Variants in FRY observed in about 807,000 individuals in gnomAD.
The protein encoded by FRY is FRY microtubule binding protein, also known as protein furry homolog.
In FRY, 128 loss-of-function variants were observed where a neutral mutation model predicts 348.4. The observed-to-expected ratio is 0.37, with a 90% CI of 0.32 to 0.43. The LOEUF is 0.43. Ranked by LOEUF, FRY falls within the 20% of genes least tolerant of loss-of-function variation. FRY has a pLI of 1.00. For synonymous variants in FRY, 1,370 were observed against 1,374.7 expected, an observed-to-expected ratio of 1.00 and a Z score of 0.08; for missense variants, 2,736 against 3,695.2, an observed-to-expected ratio of 0.74 and a Z score of 6.73.
intron 58 of FRY, among the ~76,000 whole-genome samples, chr13:32,278,969 C>G (rs756326957): frequency 2.6e-5 from 4 of 152,218 alleles, no homozygotes; most frequent in Admixed American, 2.6e-4. Flanking sequence ...CACCTCAGTC[C>G]AGTGTGCCGT....
intron 29 of FRY, among the ~76,000 whole-genome samples, chr13:32,197,693 G>A (rs1883758522): frequency 6.6e-6 from 1 of 152,214 alleles, no homozygotes; most frequent in Non-Finnish European, 1.5e-5. Flanking sequence ...AATAGTTGTT[G>A]GAGGAGAACA....
chr13:32,112,754 A>G (rs934795257), intron 3 of FRY, among the ~76,000 whole-genome samples: 2 of 152,244 alleles, frequency 1.3e-5, no homozygotes, highest in African/African-American at 4.8e-5. Context: ...TTAAAATACT[A>G]TCTGTAAACA....
intron 3 of FRY, among the ~76,000 whole-genome samples, chr13:32,105,447 CA>C (rs1200150056): frequency 5.3e-5 from 8 of 152,204 alleles, no homozygotes; most frequent in African/African-American, 1.9e-4. Flanking sequence ...AGCACTAAAA[CA>C]GTGCTCATCT....
intron 39 of FRY, 63 bp downstream of exon 39, chr13:32,226,037 G>A: frequency 1.4e-6 from 2 of 1,436,642 alleles, no homozygotes; most frequent in Non-Finnish European, 2.0e-6. Context: ...ACTAACTGCG[G>A]GTGCCAGTGG....
intron 31 of FRY, among the ~76,000 whole-genome samples, chr13:32,208,418 G>C (rs1409291206): frequency 6.6e-6 from 1 of 152,182 alleles, no homozygotes; most frequent in Non-Finnish European, 1.5e-5. Flanking sequence ...GCCTGATGTG[G>C]GGCCCTATCA....
intron 31 of FRY, 101 bp from the exon 32 acceptor site, chr13:32,208,752 A>T: frequency 1.4e-6 from 2 of 1,400,090 alleles, no homozygotes; most frequent in South Asian, 2.3e-5. Context: ...AATGTTTTGT[A>T]AACGTAGGAC....
At chr13:32,214,014 A>G (rs1420531004) in intron 35 of FRY, among the ~76,000 whole-genome samples, 1 of 152,244 alleles carries the variant, frequency 6.6e-6, no homozygotes, top group East Asian at 1.9e-4. Flanking sequence ...AGATTCTTTT[A>G]TACTGATATT....
chr13:32,048,237 G>A (rs1477716620), intron 1 of FRY, among the ~76,000 whole-genome samples: 1 of 152,164 alleles, frequency 6.6e-6, no homozygotes, highest in Non-Finnish European at 1.5e-5. Context: ...GCCCCTCAGT[G>A]GATGAGCACC....
intron 49 of FRY, among the ~76,000 whole-genome samples, chr13:32,250,622 G>A (rs1289688960): frequency 6.6e-6 from 1 of 152,218 alleles, no homozygotes; most frequent in Non-Finnish European, 1.5e-5. Flanking sequence ...ACATGCGAGG[G>A]AGGCATAGCC....
Position 32,267,305 on chromosome 13 carries a change from C to T in FRY, c.8082C>T (p.Asp2694=). ...GCCACATCAACCAGCTTATGTGTGA[C>T]TCAGATGGCTCCTGTGCTGTGTATA... ...WRSHINQLMC[D]SDGSCAVYTF... The change falls in exon 55 of 61, where the codon GAC becomes GAT. Residue 2694 remains aspartate (D), a synonymous_variant. Coordinates refer to ENST00000542859, the MANE Select transcript of FRY (RefSeq NM_023037.3). 6.2e-7 allele frequency: 1 copy of T among 1,614,202 alleles called. No individual in the cohort carries two copies. The highest frequency in any genetic ancestry group is 1.1e-5 in the South Asian group (1 of 91,086).
chr13:32,047,582 G>GA (rs1390159735), intron 1 of FRY, among the ~76,000 whole-genome samples: 1 of 51,576 alleles, frequency 1.9e-5, no homozygotes, highest in South Asian at 9.7e-4. Context: ...CTTTTTTTTT[G>GA]GGGGGGGTGC....
intron 15 of FRY, among the ~76,000 whole-genome samples, chr13:32,156,514 T>C (rs986597738): frequency 1.4e-5 from 2 of 146,352 alleles, no homozygotes; most frequent in African/African-American, 5.1e-5. Context: ...GGCAGGAAAA[T>C]CACTTGAACC....
At chr13:32,224,893 C>G (rs1268351590) in intron 37 of FRY, 40 bp from the exon 38 acceptor site, 1 of 1,141,780 alleles carries the variant, frequency 8.8e-7, no homozygotes, top group South Asian at 1.2e-5. Context: ...ATTTCCATCC[C>G]CTTCAGAAGT....
chr13:32,232,696 T>C (rs1007574314), intron 41 of FRY, among the ~76,000 whole-genome samples: 1 of 152,150 alleles, frequency 6.6e-6, no homozygotes, highest in African/African-American at 2.4e-5. Flanking sequence ...TTAAATGGGG[T>C]ATCCAGTGGG....
chr13:32,056,593 A>T (rs1038927003), intron 1 of FRY, among the ~76,000 whole-genome samples: 6 of 152,142 alleles, frequency 3.9e-5, no homozygotes, highest in Non-Finnish European at 8.8e-5. Context: ...ATGTTTGCTT[A>T]TGTTGTGCTC....
intron 58 of FRY, among the ~76,000 whole-genome samples, chr13:32,281,235 T>A (rs1888793174): frequency 6.6e-6 from 1 of 152,244 alleles, no homozygotes; most frequent in South Asian, 2.1e-4. Flanking sequence ...TGTACACACG[T>A]AATCTCATTT....
chr13:32,274,823 T>C lies in FRY; in HGVS notation c.8137-19T>C. On this transcript the variant is annotated intron_variant, in intron 55 of 60. Transcript: ENST00000542859. ...AGTTTAACTTGACCTTTACAAATGGTCACTATTTTGCCTTGCAGAATATTC... is the reference window on the plus strand; with the variant it reads ...AGTTTAACTTGACCTTTACAAATGGCCACTATTTTGCCTTGCAGAATATTC... 1 of 1,605,560 alleles carries C rather than the reference T, an allele frequency of 6.2e-7. No homozygotes were observed.
At chr13:32,162,512 T>C (rs2138184515) in intron 17 of FRY, among the ~76,000 whole-genome samples, 1 of 152,232 alleles carries the variant, frequency 6.6e-6, no homozygotes, top group African/African-American at 2.4e-5. Context: ...CCTCTGTTGA[T>C]TACCTCTTGC....
intron 1 of FRY, among the ~76,000 whole-genome samples, chr13:32,076,208 TG>T: frequency 6.6e-6 from 1 of 152,338 alleles, no homozygotes. Flanking sequence ...CATGCAATTA[TG>T]GATCTTGTCT....
Sources: gnomAD v4.1 joint callset for allele counts (sites outside exome capture counted in the v4.1 genomes callset) on GRCh38, gnomAD v4.1.1 for gene constraint, MANE v1.5 for transcripts, NCBI Gene and HGNC (gene_info 2026-07-23, HGNC 2026-07-21) for gene names.